The following MEGF10 variants were observed in gnomAD, a reference collection of about 807,000 sequenced individuals.
MEGF10 encodes multiple epidermal growth factor-like domains protein 10.
In MEGF10, 86 loss-of-function variants were observed where a neutral mutation model predicts 147.5. The ratio of observed to expected loss-of-function variants is 0.58; its 90% CI spans 0.49 to 0.70. The LOEUF (loss-of-function observed/expected upper bound fraction) is 0.70. MEGF10 is among the 30% of genes least tolerant of loss of function. The pLI, the probability that MEGF10 is intolerant of heterozygous loss-of-function variation, is 0.00. For missense variants in MEGF10, 1,329 were observed against 1,487.3 expected, an observed-to-expected ratio of 0.89 and a Z score of 1.75; for synonymous variants, 478 against 525.5, an observed-to-expected ratio of 0.91 and a Z score of 1.24.
At chr5:127,233,485 G>A in the MEGF10 span, among the ~76,000 whole-genome samples, 3 of 152,162 alleles carry the variant, frequency 2.0e-5, no homozygotes, top group Non-Finnish European at 4.4e-5. Flanking sequence ...CTGAAGTAAG[G>A]CGGCAATTAG....
At chr5:127,317,063 A>T (rs1445136812) in intron 1 of MEGF10, among the ~76,000 whole-genome samples, 1 of 152,184 alleles carries the variant, frequency 6.6e-6, no homozygotes, top group African/African-American at 2.4e-5. Context: ...CATATACATG[A>T]GTTTGTTGAG....
chr5:127,365,918 T>TC (rs1762636734), intron 4 of MEGF10, among the ~76,000 whole-genome samples: 1 of 152,190 alleles, frequency 6.6e-6, no homozygotes, highest in Non-Finnish European at 1.5e-5. Flanking sequence ...TTATAATGGG[T>TC]CCTTTGTACC....
chr5:127,366,838 C>T (rs1762674170), intron 4 of MEGF10, among the ~76,000 whole-genome samples: 1 of 152,092 alleles, frequency 6.6e-6, no homozygotes, highest in Non-Finnish European at 1.5e-5. Context: ...AAGCAGGTCT[C>T]CTTTGATTCT....
intron 4 of MEGF10, among the ~76,000 whole-genome samples, chr5:127,358,687 A>G (rs78334795): frequency 0.014 from 2,126 of 152,242 alleles, 58 homozygotes; most frequent in South Asian, 0.093. Context: ...TTCTTCCCTA[A>G]ACAATATGCT....
At chr5:127,393,980 T>C (rs1485348631) in intron 5 of MEGF10, among the ~76,000 whole-genome samples, 1 of 152,188 alleles carries the variant, frequency 6.6e-6, no homozygotes, top group African/African-American at 2.4e-5. Context: ...ACCTCTCTCT[T>C]GTTATATAAA....
chr5:127,234,912 C>T, the MEGF10 span, among the ~76,000 whole-genome samples: 4 of 151,912 alleles, frequency 2.6e-5, no homozygotes, highest in East Asian at 1.9e-4. Flanking sequence ...GGCACAATCT[C>T]GGCTCACTGC....
chr5:127,292,976 T>A (rs1160519403), intron 1 of MEGF10, among the ~76,000 whole-genome samples: 1 of 152,226 alleles, frequency 6.6e-6, no homozygotes, highest in Admixed American at 6.5e-5. Context: ...ACAATTTCCA[T>A]ACCTGTTAAA....
intron 4 of MEGF10, among the ~76,000 whole-genome samples, chr5:127,364,311 C>T (rs1292185954): frequency 6.6e-6 from 1 of 152,178 alleles, no homozygotes. Context: ...AACTAATATC[C>T]TGTCTATCCA....
At chr5:127,309,507 A>G (rs1257236221) in intron 1 of MEGF10, among the ~76,000 whole-genome samples, 4 of 151,802 alleles carry the variant, frequency 2.6e-5, no homozygotes, top group Non-Finnish European at 4.4e-5. Context: ...GAATTTGACT[A>G]CTCTATGTAC....
chr5:127,329,180 G>A (rs151171223), intron 1 of MEGF10, among the ~76,000 whole-genome samples: 383 of 152,150 alleles, frequency 2.5e-3, no homozygotes, highest in African/African-American at 8.8e-3. Context: ...ACAACTTCAT[G>A]ATGCATGTGA....
chr5:127,239,573 T>C, the MEGF10 span, among the ~76,000 whole-genome samples: 1 of 150,678 alleles, frequency 6.6e-6, no homozygotes, highest in Non-Finnish European at 1.5e-5. Flanking sequence ...GAATGTTAAA[T>C]GGATGATTGT....
intron 13 of MEGF10, among the ~76,000 whole-genome samples, chr5:127,425,589 A>C (rs1765184324): frequency 6.6e-6 from 1 of 152,196 alleles, no homozygotes; most frequent in South Asian, 2.1e-4. Flanking sequence ...AGTTCCAAAA[A>C]ACACCTACAA....
At position 127,398,722 on chromosome 5, in the gene MEGF10, C is replaced by G; in HGVS notation, c.706C>G (p.Gln236Glu). Residue 236 changes from glutamine to glutamate, a missense_variant, in exon 7 of 25, where the codon CAG becomes GAG. Gln to Glu is a conservative substitution (Grantham distance 29). Transcript: ENST00000503335. ...PPGKHGPQCE[Q>E]RCPCQNGGVC... ...TGGTAAACATGGTCCACAGTGTGAG[C>G]AGAGATGCCCTTGTCAAAATGGAGG... The G allele has an allele frequency of 6.2e-7, 1 of 1,614,066 alleles. No individual in the cohort carries two copies. The highest frequency in any genetic ancestry group is 1.1e-5 in the South Asian group (1 of 91,074).
chr5:127,343,057 A>G (rs1270693013), intron 4 of MEGF10, among the ~76,000 whole-genome samples: 1 of 151,992 alleles, frequency 6.6e-6, no homozygotes, highest in Admixed American at 6.6e-5. Flanking sequence ...CACAGTTGGC[A>G]CAAGTGAGGC....
the MEGF10 span, among the ~76,000 whole-genome samples, chr5:127,264,336 A>C: frequency 2.0e-5 from 3 of 152,152 alleles, no homozygotes; most frequent in African/African-American, 7.2e-5. Context: ...TGTATCAGAG[A>C]TATATTAGAA....
intron 10 of MEGF10, among the ~76,000 whole-genome samples, chr5:127,418,641 A>G (rs746321584): frequency 6.6e-6 from 1 of 152,194 alleles, no homozygotes. Context: ...TGTCGGATAA[A>G]GTGAATCATG....
upstream of MEGF10, among the ~76,000 whole-genome samples, chr5:127,288,926 A>G (rs1242268872): frequency 6.6e-6 from 1 of 152,264 alleles, no homozygotes. Flanking sequence ...CAGGCACAAC[A>G]TTAATGAGTT....
intron 1 of MEGF10, among the ~76,000 whole-genome samples, chr5:127,330,129 C>A (rs1221298512): frequency 2.0e-5 from 3 of 152,158 alleles, no homozygotes; most frequent in African/African-American, 7.2e-5. Context: ...CTCCCTTAAT[C>A]CATGTTCAAT....
chr5:127,340,667 T>C (rs1468301679), intron 4 of MEGF10, 37 bp downstream of exon 4: 2 of 1,562,042 alleles, frequency 1.3e-6, no homozygotes, highest in African/African-American at 2.7e-5. Context: ...ATTCGCTAGT[T>C]TTTCCCAGTG....
Sources: gnomAD v4.1 joint callset for allele counts (sites outside exome capture counted in the v4.1 genomes callset) on GRCh38, gnomAD v4.1.1 for gene constraint, MANE v1.5 for transcripts, NCBI Gene and HGNC (gene_info 2026-07-23, HGNC 2026-07-21) for gene names.